The following SIGLEC15 variants were observed in gnomAD, a reference collection of about 807,000 sequenced individuals.
The protein encoded by SIGLEC15 is sialic acid binding Ig like lectin 15.
SIGLEC15 carries 31 observed loss-of-function variants against 26.2 expected under a neutral mutation model. The ratio of observed to expected loss-of-function variants is 1.18; its 90% confidence interval spans 0.89 to 1.60. The LOEUF (loss-of-function observed/expected upper bound fraction) is 1.60, where lower values mean the gene tolerates loss of function less well. Ranked by LOEUF, SIGLEC15 falls within the 40% of genes most tolerant of loss-of-function variation. The pLI, the probability that SIGLEC15 is intolerant of heterozygous loss-of-function variation, is 0.00. For synonymous variants in SIGLEC15, 207 were observed against 221.9 expected (o/e 0.93, Z 0.60); for missense variants, 501 against 488.4 (o/e 1.03, Z -0.24).
In SIGLEC15 at chr18:45,837,053, AT is replaced by A. The variant is rs1366478377; in HGVS notation, c.78del (p.Asp26GlufsTer27). On this transcript the variant is annotated frameshift_variant, in exon 2 of 6. Transcript: ENST00000389474. LOFTEE classifies it high-confidence loss of function. ...GGCTCATTTGTGAGAACTAAAATAG[AT>A]ACTACGGAGAACTTGCTCAACACAG... The part of the protein sequence containing the change: ...PTGSFVRTKI[D>X]TTENLLNTEV... 1.5e-5 allele frequency: 23 copies of A among 1,546,572 alleles called. No homozygotes were observed. The highest frequency in any genetic ancestry group is 2.1e-5 in the Non-Finnish European group (23 of 1,118,964).
At chr18:45,834,888 G>C (rs1599392663) in intron 1 of SIGLEC15, among the ~76,000 whole-genome samples, 1 of 152,184 alleles carries the variant, frequency 6.6e-6, no homozygotes, top group Non-Finnish European at 1.5e-5. Flanking sequence ...ACTAAGGCTG[G>C]GGCTCAACCT....
At chr18:45,827,509 T>C (rs1322777459) in intron 1 of SIGLEC15, among the ~76,000 whole-genome samples, 1 of 151,806 alleles carries the variant, frequency 6.6e-6, no homozygotes, top group Admixed American at 6.6e-5. Flanking sequence ...GGGAGAGGGG[T>C]TGAGGGTGTG....
chr18:45,837,367 C>G (rs2048283753), intron 2 of SIGLEC15, 146 bp from the exon 3 acceptor site: 1 of 1,274,276 alleles, frequency 7.8e-7, no homozygotes, highest in African/African-American at 1.6e-5. Context: ...TCCGGCTCCC[C>G]TGGAAGTGGG....
intron 3 of SIGLEC15, 127 bp from the exon 4 acceptor site, chr18:45,838,591 C>A (rs1023078674): frequency 3.1e-6 from 4 of 1,276,294 alleles, no homozygotes; most frequent in Non-Finnish European, 3.1e-6. Flanking sequence ...TGTATTGGGA[C>A]GGGGGCAGCC....
At chr18:45,826,153 G>A (rs764967055) in intron 1 of SIGLEC15, among the ~76,000 whole-genome samples, 54 of 152,108 alleles carry the variant, frequency 3.6e-4, no homozygotes, top group African/African-American at 1.3e-3. Context: ...TGTTTTGATG[G>A]GCACAGCCTG....
intron 5 of SIGLEC15, among the ~76,000 whole-genome samples, chr18:45,841,304 G>GT (rs1325823794): frequency 2.0e-5 from 3 of 152,116 alleles, no homozygotes; most frequent in Non-Finnish European, 1.5e-5. Flanking sequence ...GAGTGTGGAC[G>GT]TAAGACAGGG....
At chr18:45,828,973 G>T in intron 1 of SIGLEC15, 1 of 425,714 alleles carries the variant, frequency 2.3e-6, no homozygotes, top group Non-Finnish European at 3.1e-6. Context: ...TCTCCCAGTG[G>T]CTGTTGTGAG....
intron 1 of SIGLEC15, among the ~76,000 whole-genome samples, chr18:45,833,515 G>A (rs2048251203): frequency 6.6e-6 from 1 of 152,042 alleles, no homozygotes; most frequent in Non-Finnish European, 1.5e-5. Flanking sequence ...GTTTTACCAT[G>A]TTAGCCAGGC....
Position 45,838,764 on chromosome 18 carries a change from C to T in SIGLEC15, c.543C>T (p.His181=). The change falls in exon 4 of 6, where the codon CAC becomes CAT. Residue 181 remains histidine, a synonymous_variant. Transcript: ENST00000389474. ...TCTCGGTGCTGCCCAGTCCGGCTCA[C>T]GCCTTCCGCGCGCTCTGCACTGCCG... The part of the protein sequence containing the change: ...VNISVLPSPA[H]AFRALCTAEG... The T allele has an allele frequency of 1.9e-6, 3 of 1,576,506 alleles. No homozygotes were observed. The highest frequency in any genetic ancestry group is 2.3e-5 in the East Asian group (1 of 43,412).
Position 45,837,150 on chromosome 18 carries a change from T to C in SIGLEC15, c.112+62T>C, listed in dbSNP as rs1221164471. Reference sequence around the variant, plus strand: ...TTGGGAGTCTGTTTTAACCACGAGATCCCAGGGTTTTTCCACAGGGCAGGT... The same window carrying C: ...TTGGGAGTCTGTTTTAACCACGAGACCCCAGGGTTTTTCCACAGGGCAGGT... On this transcript the variant is annotated intron_variant, in intron 2 of 5. Transcript: ENST00000389474. 6.9e-6 allele frequency: 11 copies of C among 1,597,986 alleles called. No homozygotes were observed. The African/African-American group carries it at 1.3e-4, about 20-fold the overall frequency.
chr18:45,831,924 G>A (rs946502268), intron 1 of SIGLEC15, among the ~76,000 whole-genome samples: 1 of 152,176 alleles, frequency 6.6e-6, no homozygotes, highest in Non-Finnish European at 1.5e-5. Flanking sequence ...TTTTAGTAGA[G>A]GCAGGGATTC....
intron 1 of SIGLEC15, among the ~76,000 whole-genome samples, chr18:45,828,709 G>A (rs796801271): frequency 3.5e-4 from 54 of 152,362 alleles, no homozygotes; most frequent in African/African-American, 1.3e-3. Context: ...AGGCTTCTGA[G>A]TGTGCATCCA....
In SIGLEC15 at chr18:45,837,606, C is replaced by A; in HGVS notation, c.206C>A (p.Pro69Gln). The A allele has an allele frequency of 1.3e-6, 2 of 1,509,848 alleles. No homozygotes were observed. Among genetic ancestry groups the A allele is most frequent in the East Asian group, 2.6e-5 (1 of 37,930 alleles). 93.5% of individuals were successfully genotyped at this position (1,509,848 alleles called of 1,614,324 possible). A position where few individuals can be genotyped will look rare whatever the true frequency, so the allele number is the denominator to read the frequency against. Reference sequence around the variant, plus strand: ...GTGCTGCCCTGCACCTTCACGCACCCGCACCGCCACTACGACGGGCCGCTG... The same window carrying A: ...GTGCTGCCCTGCACCTTCACGCACCAGCACCGCCACTACGACGGGCCGCTG... ...AAVLPCTFTH[P>Q]HRHYDGPLTA... The change falls in exon 3 of 6, where the codon CCG becomes CAG. Residue 69 changes from proline (P) to glutamine (Q), a missense_variant. Physicochemically the swap from Pro to Gln is moderately conservative, Grantham distance 76. Transcript: ENST00000389474.
At chr18:45,832,043 C>A (rs1351814242) in intron 1 of SIGLEC15, among the ~76,000 whole-genome samples, 2 of 152,198 alleles carry the variant, frequency 1.3e-5, no homozygotes, top group East Asian at 1.9e-4. Context: ...AACATCTTAA[C>A]CCCCTGTGGC....
chr18:45,828,082 C>T (rs978458022), intron 1 of SIGLEC15, among the ~76,000 whole-genome samples: 4 of 152,198 alleles, frequency 2.6e-5, no homozygotes, highest in African/African-American at 9.6e-5. Context: ...GGGAGCCTCT[C>T]CTCATGGCTC....
rs1185721750 is a variant in SIGLEC15 at position 45,825,780 on chromosome 18, G to A, written c.52G>A (p.Gly18Ser). 1 of 1,614,246 alleles carries A rather than the reference G, an allele frequency of 6.2e-7. No individual in the cohort carries two copies. The highest frequency in any genetic ancestry group is 8.5e-7 in the Non-Finnish European group (1 of 1,180,042). ...LACLAWVLPT[G>S]SFVRTKIDTT... ...CTGCTTGGCGTGGGTTCTCCCGACA[G>A]GTGAGTGTCTGCTACTCTCTCTGGC... is the stretch of plus-strand genomic sequence containing the variant. The change falls in exon 1 of 6, where the codon GGC (glycine) becomes AGC (serine). Residue 18 changes from glycine to serine, a missense_variant and splice_region_variant. By Grantham distance (56) the Gly-to-Ser change is moderately conservative (BLOSUM62 0). Coordinates refer to ENST00000389474, the MANE Select transcript of SIGLEC15 (RefSeq NM_213602.3).
intron 4 of SIGLEC15, 36 bp downstream of exon 4, chr18:45,839,131 C>A (rs1752145452): frequency 1.5e-6 from 2 of 1,358,406 alleles, no homozygotes; most frequent in African/African-American, 3.1e-5. Context: ...CCGCGAGGGG[C>A]CGGGCCGGGG....
chr18:45,837,860 T>C lies in SIGLEC15; in HGVS notation c.460T>C (p.Tyr154His). The C allele has an allele frequency of 6.5e-7, 1 of 1,535,342 alleles. No individual in the cohort carries two copies. The highest frequency in any genetic ancestry group is 8.7e-7 in the Non-Finnish European group (1 of 1,151,896). Residue 154 changes from tyrosine to histidine, a missense_variant, in exon 3 of 6, where the codon TAC (tyrosine) becomes CAC (histidine). Physicochemically the swap from Tyr to His is moderately conservative, Grantham distance 83. Coordinates refer to ENST00000389474, the MANE Select transcript of SIGLEC15 (RefSeq NM_213602.3). Reference protein sequence around the residue: ...VEFAGDVHDRYESRHGVRLHV... With the variant: ...VEFAGDVHDRHESRHGVRLHV... Reference sequence around the variant, plus strand: ...GTTCGCCGGCGACGTCCATGACCGCTACGAGAGCCGCCACGGCGTCCGGCT... The same window carrying C: ...GTTCGCCGGCGACGTCCATGACCGCCACGAGAGCCGCCACGGCGTCCGGCT...
chr18:45,831,394 A>T (rs2048233644), intron 1 of SIGLEC15, among the ~76,000 whole-genome samples: 1 of 152,230 alleles, frequency 6.6e-6, no homozygotes, highest in Non-Finnish European at 1.5e-5. Context: ...AAGAGTCTAC[A>T]AACAGAAACC....
Sources: gnomAD v4.1 joint callset for allele counts (sites outside exome capture counted in the v4.1 genomes callset) on GRCh38, gnomAD v4.1.1 for gene constraint, MANE v1.5 for transcripts, NCBI Gene and HGNC (gene_info 2026-07-23, HGNC 2026-07-21) for gene names.